The following SHROOM3 variants were observed in gnomAD, a reference collection of about 807,000 sequenced individuals.
The protein encoded by SHROOM3 is protein Shroom3.
In SHROOM3, 47 loss-of-function variants were observed where a neutral mutation model predicts 138.6. That is an observed-to-expected ratio of 0.34 (90% CI 0.27 to 0.43). SHROOM3 has a LOEUF of 0.43. Ranked by LOEUF, SHROOM3 falls within the 20% of genes least tolerant of loss-of-function variation. The pLI is 1.00. For missense variants in SHROOM3, 2,491 were observed against 2,596.5 expected, an observed-to-expected ratio of 0.96 and a Z score of 0.88; for synonymous variants, 1,062 against 1,063.3, an observed-to-expected ratio of 1.00 and a Z score of 0.02.
chr4:76,518,405 C>T (rs1425828355), intron 1 of SHROOM3, among the ~76,000 whole-genome samples: 1 of 152,130 alleles, frequency 6.6e-6, no homozygotes, highest in Non-Finnish European at 1.5e-5. Flanking sequence ...AAGACAGAGG[C>T]AAAAACAGAG....
At chr4:76,479,784 C>T (rs1731567017) in intron 1 of SHROOM3, among the ~76,000 whole-genome samples, 1 of 152,206 alleles carries the variant, frequency 6.6e-6, no homozygotes, top group South Asian at 2.1e-4. Flanking sequence ...GTGGATCTCT[C>T]TGCAGAGACC....
At chr4:76,552,063 G>T (rs534068545) in intron 1 of SHROOM3, among the ~76,000 whole-genome samples, 3 of 144,698 alleles carry the variant, frequency 2.1e-5, no homozygotes, top group Admixed American at 6.8e-5. Flanking sequence ...GGGTTTCACC[G>T]TGTTAGCCAG....
intron 9 of SHROOM3, among the ~76,000 whole-genome samples, chr4:76,761,062 G>A (rs775971381): frequency 6.6e-6 from 1 of 152,100 alleles, no homozygotes. Flanking sequence ...TAGAATCGGG[G>A]CATAGGCAGG....
At chr4:76,487,071 T>C (rs1731747288) in intron 1 of SHROOM3, among the ~76,000 whole-genome samples, 1 of 152,150 alleles carries the variant, frequency 6.6e-6, no homozygotes, top group African/African-American at 2.4e-5. Context: ...ATAAACCTCA[T>C]GCCCATTAAC....
intron 1 of SHROOM3, among the ~76,000 whole-genome samples, chr4:76,543,869 C>T (rs1181060587): frequency 6.6e-6 from 1 of 152,190 alleles, no homozygotes; most frequent in African/African-American, 2.4e-5. Flanking sequence ...GAATTAATGA[C>T]CAGCACTGTG....
chr4:76,493,162 A>C (rs2109994630), intron 1 of SHROOM3, among the ~76,000 whole-genome samples: 1 of 146,194 alleles, frequency 6.8e-6, no homozygotes, highest in African/African-American at 2.5e-5. Context: ...CGGCGGTTGC[A>C]GTGAGCCAAG....
chr4:76,693,423 GC>G (rs1719626020), intron 2 of SHROOM3, among the ~76,000 whole-genome samples: 3 of 116,700 alleles, frequency 2.6e-5, no homozygotes, highest in Non-Finnish European at 4.9e-5. Context: ...TTGCTGTGTT[GC>G]CCAGGCTGGA....
At chr4:76,699,011 A>G (rs1719827221) in intron 2 of SHROOM3, among the ~76,000 whole-genome samples, 1 of 152,140 alleles carries the variant, frequency 6.6e-6, no homozygotes, top group Non-Finnish European at 1.5e-5. Flanking sequence ...CACCCTCCCC[A>G]TGGTGACTTT....
In SHROOM3 at chr4:76,741,547, C is replaced by A; in HGVS notation, c.3374C>A (p.Pro1125His). Residue 1125 changes from proline (P) to histidine (H), a missense_variant, in exon 5 of 11, where the codon CCC becomes CAC. Physicochemically the swap from Pro to His is moderately conservative, Grantham distance 77. This residue lies in a region of SHROOM3 where 1,733 missense variants were observed against 1,661.6 expected (regional missense o/e 1.04). Transcript: ENST00000296043. The surrounding 1 kb of genome is among the most constrained non-coding windows in gnomAD (Gnocchi z 6.2). Reference sequence around the variant, plus strand: ...CAGAGTGCCTACCTCCAGCCCGGCCCCGCGGCGCTCGAAGGCTCCGGCCTC... The same window carrying A: ...CAGAGTGCCTACCTCCAGCCCGGCCACGCGGCGCTCGAAGGCTCCGGCCTC... ...RAQSAYLQPG[P>H]AALEGSGLAS... 6.5e-7 allele frequency: 1 copy of A among 1,547,950 alleles called. No individual in the cohort carries two copies. Among genetic ancestry groups the A allele is most frequent in the Non-Finnish European group, 8.7e-7 (1 of 1,153,270 alleles).
chr4:76,565,262 C>T (rs552568800), intron 2 of SHROOM3, among the ~76,000 whole-genome samples: 4 of 150,802 alleles, frequency 2.7e-5, no homozygotes, highest in Middle Eastern at 3.5e-3. Context: ...ATGGTGGAAT[C>T]TTTCCCCCCA....
At position 76,532,944 on chromosome 4, in the gene SHROOM3, G is replaced by A. The variant is rs191216297; in HGVS notation, c.169-22665G>A. On this transcript the variant is annotated intron_variant, in intron 1 of 10. Coordinates refer to ENST00000296043, the MANE Select transcript of SHROOM3 (RefSeq NM_020859.4). ...ACTGTGATACTGCAACAGTCAATCC[G>A]ATAACTGTGACAGCTGCTGACTAAT... is the stretch of plus-strand genomic sequence containing the variant. 1.6e-4 allele frequency among the ~76,000 whole-genome samples: 19 copies of A among 119,078 alleles called. No homozygotes were observed. In the East Asian group the frequency reaches 4.0e-3, roughly 25 times the overall value. The allele number at this position is 119,078 out of a possible 152,430, so 78.1% of individuals were successfully genotyped here.
chr4:76,662,951 G>C (rs1338509346), intron 2 of SHROOM3, among the ~76,000 whole-genome samples: 4 of 151,902 alleles, frequency 2.6e-5, no homozygotes, highest in Non-Finnish European at 4.4e-5. Context: ...GAGAGAGGGA[G>C]AGAGGGAGAG....
At position 76,510,353 on chromosome 4, in the gene SHROOM3, G is replaced by C. The variant is rs371920702; in HGVS notation, c.169-45256G>C. ...TCAGTATAATCAGTAATAAAAAATG[G>C]GGGCAAGAGCACAGATTGTACTAGT... On this transcript the variant is annotated intron_variant, in intron 1 of 10. Coordinates refer to ENST00000296043, the MANE Select transcript of SHROOM3 (RefSeq NM_020859.4). 1.2e-4 allele frequency among the ~76,000 whole-genome samples: 19 copies of C among 152,246 alleles called. No individual in the cohort carries two copies. In the South Asian group the frequency reaches 3.7e-3, roughly 30 times the overall value.
chr4:76,671,894 T>C (rs181590380), intron 2 of SHROOM3, among the ~76,000 whole-genome samples: 210 of 152,340 alleles, frequency 1.4e-3, no homozygotes, highest in Middle Eastern at 6.8e-3. Context: ...GAGCATCCCT[T>C]ATCCAAAAAT....
chr4:76,773,761 C>T (rs1722452020), intron 10 of SHROOM3, among the ~76,000 whole-genome samples: 1 of 152,178 alleles, frequency 6.6e-6, no homozygotes, highest in Non-Finnish European at 1.5e-5. Context: ...TTGGTCAAAC[C>T]CAGACAGCAA....
At chr4:76,456,679 G>A (rs778918049) in intron 1 of SHROOM3, among the ~76,000 whole-genome samples, 6 of 152,268 alleles carry the variant, frequency 3.9e-5, no homozygotes, top group African/African-American at 4.8e-5. Flanking sequence ...GCAGATTATC[G>A]ATTTATAGAT....
intron 3 of SHROOM3, among the ~76,000 whole-genome samples, chr4:76,722,271 A>G (rs529565874): frequency 2.6e-5 from 4 of 152,316 alleles, no homozygotes; most frequent in African/African-American, 7.2e-5. Context: ...AGGGCCATCA[A>G]TGACAGATTG....
At chr4:76,680,048 G>A (rs931261763) in intron 2 of SHROOM3, among the ~76,000 whole-genome samples, 2 of 152,124 alleles carry the variant, frequency 1.3e-5, no homozygotes, top group Non-Finnish European at 1.5e-5. Flanking sequence ...GAGCTTCAAG[G>A]TTGAAAAGGA....
chr4:76,679,802 G>A (rs988964286), intron 2 of SHROOM3, among the ~76,000 whole-genome samples: 7 of 152,178 alleles, frequency 4.6e-5, no homozygotes, highest in Admixed American at 2.0e-4. Context: ...TCGGTGACAA[G>A]GACCTACCGG....
Sources: gnomAD v4.1 joint callset for allele counts (sites outside exome capture counted in the v4.1 genomes callset) on GRCh38, gnomAD v4.1.1 for gene constraint, gnomAD v4.1.1 regional missense constraint, Gnocchi (gnomAD v3.1) non-coding constraint, MANE v1.5 for transcripts, NCBI Gene and HGNC (gene_info 2026-07-23, HGNC 2026-07-21) for gene names.